The following KITLG variants were observed in gnomAD, a reference collection of about 807,000 sequenced individuals.
KITLG encodes the protein c-Kit ligand.
In KITLG, 13 loss-of-function variants were observed where a neutral mutation model predicts 34.1. That is an observed-to-expected ratio of 0.38 (90% CI 0.25 to 0.61). KITLG has a LOEUF of 0.61. Ranked by LOEUF, KITLG falls within the 20% of genes least tolerant of loss-of-function variation. KITLG has a pLI of 0.60. For missense variants in KITLG, 292 were observed against 318.9 expected (o/e 0.92, Z 0.64); for synonymous variants, 110 against 104.0 (o/e 1.06, Z -0.35).
chr12:88,543,332 A>G (rs956512328), intron 2 of KITLG, among the ~76,000 whole-genome samples: 2 of 151,414 alleles, frequency 1.3e-5, no homozygotes, highest in Non-Finnish European at 2.9e-5. Flanking sequence ...TCATTGTTCA[A>G]CTCCCACTTA....
At chr12:88,539,229 A>C (rs1267289725) in intron 2 of KITLG, among the ~76,000 whole-genome samples, 1 of 152,124 alleles carries the variant, frequency 6.6e-6, no homozygotes, top group Non-Finnish European at 1.5e-5. Context: ...ACATCTTTGC[A>C]AGACCCTTAC....
intron 1 of KITLG, among the ~76,000 whole-genome samples, chr12:88,558,797 A>G (rs1258416806): frequency 6.6e-6 from 1 of 152,238 alleles, no homozygotes; most frequent in African/African-American, 2.4e-5. Flanking sequence ...AGTCTGAGAT[A>G]TAATATTTTA....
At chr12:88,512,354 A>G (rs1869307354) in intron 6 of KITLG, among the ~76,000 whole-genome samples, 1 of 152,134 alleles carries the variant, frequency 6.6e-6, no homozygotes, top group South Asian at 2.1e-4. Context: ...ACTCAGAAGA[A>G]CACAGAGAAA....
intron 4 of KITLG, among the ~76,000 whole-genome samples, chr12:88,516,888 A>T (rs911101491): frequency 2.0e-5 from 3 of 151,618 alleles, no homozygotes; most frequent in African/African-American, 7.3e-5. Context: ...AATATCCAAA[A>T]ATTAGAAAGT....
At chr12:88,569,447 T>A (rs1871568066) in intron 1 of KITLG, among the ~76,000 whole-genome samples, 1 of 152,198 alleles carries the variant, frequency 6.6e-6, no homozygotes, top group African/African-American at 2.4e-5. Context: ...TAAAGTCACT[T>A]TCTTTAAGAA....
chr12:88,509,328 A>C (rs771339488), intron 6 of KITLG, among the ~76,000 whole-genome samples: 4 of 152,200 alleles, frequency 2.6e-5, no homozygotes, highest in Non-Finnish European at 4.4e-5. Context: ...ACCAAAGGAA[A>C]GACCAGACTC....
Position 88,516,368 on chromosome 12 carries a change from A to G in KITLG, c.486T>C (p.Asp162=). The change falls in exon 5 of 10, where the codon GAT becomes GAC. Residue 162 remains aspartate, a synonymous_variant. Transcript: ENST00000644744. ...GACTTAATGTTGAAGAAACCACACA[A>G]TCACTAGTTTCAGATGCCACTACAA... ...KDFVVASETS[D]CVVSSTLSPE... 1.2e-6 allele frequency: 2 copies of G among 1,611,380 alleles called. No homozygotes were observed. The highest frequency in any genetic ancestry group is 1.7e-6 in the Non-Finnish European group (2 of 1,178,008).
intron 1 of KITLG, among the ~76,000 whole-genome samples, chr12:88,554,819 T>C (rs1871045387): frequency 6.6e-6 from 1 of 152,206 alleles, no homozygotes; most frequent in African/African-American, 2.4e-5. Flanking sequence ...AATTCTTCTC[T>C]AAGCACTGTT....
intron 3 of KITLG, among the ~76,000 whole-genome samples, chr12:88,523,151 C>T (rs986451084): frequency 6.6e-6 from 1 of 152,158 alleles, no homozygotes; most frequent in Admixed American, 6.5e-5. Context: ...ACGAAGTGTA[C>T]CTTTCTGTTT....
At chr12:88,532,699 G>C (rs1308147185) in intron 2 of KITLG, among the ~76,000 whole-genome samples, 196 bp from the exon 3 acceptor site, 1 of 152,036 alleles carries the variant, frequency 6.6e-6, no homozygotes, top group African/African-American at 2.4e-5. Context: ...AAATAAAAAA[G>C]TGATAATACA....
chr12:88,546,410 C>A (rs1398896939), intron 1 of KITLG, among the ~76,000 whole-genome samples: 1 of 152,126 alleles, frequency 6.6e-6, no homozygotes, highest in African/African-American at 2.4e-5. Context: ...TGAAACACAG[C>A]TTTTTAGCCA....
At chr12:88,568,792 A>G (rs1240402981) in intron 1 of KITLG, among the ~76,000 whole-genome samples, 1 of 152,160 alleles carries the variant, frequency 6.6e-6, no homozygotes, top group East Asian at 1.9e-4. Context: ...GGTATATAAC[A>G]TTATTTCCAG....
chr12:88,508,110 C>T (rs1207498933), intron 6 of KITLG, among the ~76,000 whole-genome samples: 1 of 151,782 alleles, frequency 6.6e-6, no homozygotes, highest in Non-Finnish European at 1.5e-5. Context: ...TCGCATGAAC[C>T]CGGGAGGCGG....
intron 1 of KITLG, among the ~76,000 whole-genome samples, chr12:88,567,768 G>A (rs997471777): frequency 6.6e-6 from 1 of 152,292 alleles, no homozygotes; most frequent in South Asian, 2.1e-4. Flanking sequence ...CCCTTCTTAT[G>A]CATTAGCTCA....
chr12:88,562,067 T>C (rs781064031), intron 1 of KITLG, among the ~76,000 whole-genome samples: 6 of 152,234 alleles, frequency 3.9e-5, no homozygotes, highest in Non-Finnish European at 8.8e-5. Flanking sequence ...AACAAGAATA[T>C]ACATGGTATA....
chr12:88,503,175 T>A (rs547816907), intron 9 of KITLG, among the ~76,000 whole-genome samples: 3 of 152,162 alleles, frequency 2.0e-5, no homozygotes, highest in Non-Finnish European at 4.4e-5. Context: ...GTGTGTAGAA[T>A]AAAGTATTAC....
At chr12:88,558,796 T>C (rs999642359) in intron 1 of KITLG, among the ~76,000 whole-genome samples, 3 of 152,194 alleles carry the variant, frequency 2.0e-5, no homozygotes, top group African/African-American at 7.2e-5. Flanking sequence ...AAGTCTGAGA[T>C]ATAATATTTT....
At chr12:88,553,342 G>C (rs150330592) in intron 1 of KITLG, among the ~76,000 whole-genome samples, 20 of 152,216 alleles carry the variant, frequency 1.3e-4, no homozygotes, top group Non-Finnish European at 2.6e-4. Context: ...GTGCACACAC[G>C]CTCACACACA....
chr12:88,572,619 A>ATAT (rs1871695022), intron 1 of KITLG, among the ~76,000 whole-genome samples: 1 of 145,732 alleles, frequency 6.9e-6, no homozygotes, highest in Non-Finnish European at 1.5e-5. Flanking sequence ...ATATATATAT[A>ATAT]ATTTGTTACA....
Sources: gnomAD v4.1 joint callset for allele counts (sites outside exome capture counted in the v4.1 genomes callset) on GRCh38, gnomAD v4.1.1 for gene constraint, MANE v1.5 for transcripts, NCBI Gene and HGNC (gene_info 2026-07-23, HGNC 2026-07-21) for gene names.